The following IQGAP1 variants were observed in gnomAD, a reference collection of about 807,000 sequenced individuals.
The protein encoded by IQGAP1 is ras GTPase-activating-like protein IQGAP1.
In IQGAP1, 66 loss-of-function variants were observed where a neutral mutation model predicts 215.6. The ratio of observed to expected loss-of-function variants is 0.31; its 90% confidence interval spans 0.25 to 0.38. The LOEUF (loss-of-function observed/expected upper bound fraction) is 0.38. Ranked by LOEUF, IQGAP1 falls within the 10% of genes least tolerant of loss-of-function variation. The pLI is 1.00. For missense variants in IQGAP1, 1,712 were observed against 1,997.1 expected, an observed-to-expected ratio of 0.86 and a Z score of 2.72; for synonymous variants, 772 against 728.7, an observed-to-expected ratio of 1.06 and a Z score of -0.96.
intron 18 of IQGAP1, among the ~76,000 whole-genome samples, chr15:90,470,222 A>G (rs1965887012): frequency 6.6e-6 from 1 of 152,172 alleles, no homozygotes; most frequent in African/African-American, 2.4e-5. Context: ...CTTTGAACTT[A>G]CTTGGATTTT....
Position 90,399,729 on chromosome 15 carries a change from T to C in IQGAP1, c.155+8856T>C, listed in dbSNP as rs1396441057. Among the ~76,000 whole-genome samples, 3 of 152,160 alleles carry C rather than the reference T, an allele frequency of 2.0e-5. No homozygotes were observed. The East Asian group carries it at 5.8e-4, about 29-fold the overall frequency. On this transcript the variant is annotated intron_variant, in intron 2 of 37. Transcript: ENST00000268182. The stretch of plus-strand genomic sequence containing the variant: ...TAATGTTGATTGTAAGGGGAACTTA[T>C]CCCGAACTTCTGGCCTTAGGTGATC...
intron 26 of IQGAP1, among the ~76,000 whole-genome samples, chr15:90,478,233 C>T (rs889099506): frequency 6.6e-6 from 1 of 152,134 alleles, no homozygotes; most frequent in African/African-American, 2.4e-5. Context: ...TCAGGCAATC[C>T]ATCTGCCTCG....
chr15:90,476,547 A>C, intron 23 of IQGAP1, 116 bp from the exon 24 acceptor site: 1 of 628,574 alleles, frequency 1.6e-6, no homozygotes, highest in Non-Finnish European at 2.7e-6. Flanking sequence ...TTCAGTGGGA[A>C]TCTGCCAGTG....
intron 26 of IQGAP1, among the ~76,000 whole-genome samples, chr15:90,478,885 G>A (rs1966016671): frequency 1.3e-5 from 2 of 152,198 alleles, no homozygotes; most frequent in African/African-American, 4.8e-5. Context: ...CGTATTACAG[G>A]AGATAGCTGA....
intron 5 of IQGAP1, among the ~76,000 whole-genome samples, chr15:90,435,616 T>C (rs1227639703): frequency 6.6e-6 from 1 of 152,240 alleles, no homozygotes; most frequent in African/African-American, 2.4e-5. Context: ...AATGGATATC[T>C]GAACGTGGAA....
In IQGAP1 at chr15:90,472,861, G is replaced by A. The variant is rs1265827340; in HGVS notation, c.2200G>A (p.Ala734Thr). The change falls in exon 19 of 38, where the codon GCC (alanine) becomes ACC (threonine). Residue 734 changes from alanine to threonine, a missense_variant. Around this residue, in one of 2 missense-constraint regions of IQGAP1, gnomAD observed 1,021 missense variants for 1,074.2 expected, o/e 0.95. Transcript: ENST00000268182. ...TCAGAGTTCTATCTCTGGGGTGACTGCCGCATATAACCGAGAACAGCTGTG... is the reference window on the plus strand; with the variant it reads ...TCAGAGTTCTATCTCTGGGGTGACTACCGCATATAACCGAGAACAGCTGTG... ...EIQSSISGVT[A>T]AYNREQLWLA... is the part of the protein sequence containing the mutation. 32 of 1,612,492 alleles carry A rather than the reference G, an allele frequency of 2.0e-5. No homozygotes were observed. The highest frequency in any genetic ancestry group is 2.5e-5 in the Non-Finnish European group (30 of 1,179,012).
At position 90,456,318 on chromosome 15, in the gene IQGAP1, G is replaced by T; in HGVS notation, c.1776+3G>T. On this transcript the variant is annotated splice_donor_region_variant and intron_variant, in intron 15 of 37. Coordinates refer to ENST00000268182, the MANE Select transcript of IQGAP1 (RefSeq NM_003870.4). Reference sequence around the variant, plus strand: ...GAGCGAAGAGAGAGAAAGCCCAGGTGAGTGGCATCGGAATTGTTCTTTATG... The same window carrying T: ...GAGCGAAGAGAGAGAAAGCCCAGGTTAGTGGCATCGGAATTGTTCTTTATG... 6.2e-7 allele frequency: 1 copy of T among 1,613,688 alleles called. No homozygotes were observed. Among genetic ancestry groups the T allele is most frequent in the Non-Finnish European group, 8.5e-7 (1 of 1,179,782 alleles).
chr15:90,410,280 A>G (rs1430452948), intron 2 of IQGAP1, among the ~76,000 whole-genome samples: 2 of 152,146 alleles, frequency 1.3e-5, no homozygotes, highest in Admixed American at 6.5e-5. Flanking sequence ...CAGTGTGGCA[A>G]TTCCTCAAGG....
At chr15:90,432,281 A>G (rs931274734) in intron 4 of IQGAP1, among the ~76,000 whole-genome samples, 8 of 152,132 alleles carry the variant, frequency 5.3e-5, no homozygotes, top group Admixed American at 2.0e-4. Flanking sequence ...AAAACCTTGG[A>G]GATACCTTGA....
Position 90,474,704 on chromosome 15 carries a change from G to A in IQGAP1, c.2784+11G>A. 6.3e-7 allele frequency: 1 copy of A among 1,592,474 alleles called. No individual in the cohort carries two copies. Among genetic ancestry groups the A allele is most frequent in the Non-Finnish European group, 8.6e-7 (1 of 1,160,586 alleles). On this transcript the variant is annotated intron_variant, in intron 23 of 37. Transcript: ENST00000268182. ...AAGATTACGTTGCAGGTATGGCCCAGTGCCAGCGGGGGCCTTGGAACGGTT... is the reference window on the plus strand; with the variant it reads ...AAGATTACGTTGCAGGTATGGCCCAATGCCAGCGGGGGCCTTGGAACGGTT...
At chr15:90,398,582 A>G (rs1034545343) in intron 2 of IQGAP1, among the ~76,000 whole-genome samples, 5 of 152,330 alleles carry the variant, frequency 3.3e-5, no homozygotes, top group Non-Finnish European at 5.9e-5. Context: ...TTGTAAGTCA[A>G]AATGCATTTA....
At chr15:90,431,041 AT>A (rs1270400301) in intron 4 of IQGAP1, among the ~76,000 whole-genome samples, 1 of 148,106 alleles carries the variant, frequency 6.8e-6, no homozygotes, top group African/African-American at 2.5e-5. Context: ...CATATATACA[AT>A]ATATTATATA....
At chr15:90,481,667 CTGTT>C (rs1966061418) in intron 26 of IQGAP1, among the ~76,000 whole-genome samples, 2 of 152,140 alleles carry the variant, frequency 1.3e-5, no homozygotes, top group Non-Finnish European at 2.9e-5. Context: ...TTATAATCAT[CTGTT>C]TGTGTGTCGC....
rs761714346 is a variant in IQGAP1 at position 90,477,755 on chromosome 15, G to T, written c.3195G>T (p.Gln1065His). ...GTTTCAACCGTGGTGCCCGTGGCCAGAATGCCCTGAGACAGATCTTGGCCC... is the reference window on the plus strand; with the variant it reads ...GTTTCAACCGTGGTGCCCGTGGCCATAATGCCCTGAGACAGATCTTGGCCC... ...VVSFNRGARG[Q>H]NALRQILAPV... Residue 1065 changes from glutamine to histidine, a missense_variant, in exon 26 of 38, where the codon CAG becomes CAT. Coordinates refer to ENST00000268182, the MANE Select transcript of IQGAP1 (RefSeq NM_003870.4). 7 of 1,613,910 alleles carry T rather than the reference G, an allele frequency of 4.3e-6. No individual in the cohort carries two copies. The South Asian group carries it at 7.7e-5, about 18-fold the overall frequency.
intron 9 of IQGAP1, among the ~76,000 whole-genome samples, chr15:90,447,888 A>G (rs1180768655): frequency 2.0e-5 from 3 of 152,138 alleles, no homozygotes; most frequent in Non-Finnish European, 4.4e-5. Flanking sequence ...CTCAGGTTCT[A>G]TGATTAGAAG....
chr15:90,447,372 C>T (rs1308982734), intron 9 of IQGAP1, among the ~76,000 whole-genome samples: 1 of 152,114 alleles, frequency 6.6e-6, no homozygotes, highest in Non-Finnish European at 1.5e-5. Flanking sequence ...TCCTCATTGC[C>T]CCTACTTCCC....
intron 2 of IQGAP1, among the ~76,000 whole-genome samples, chr15:90,396,065 G>A (rs1315154030): frequency 6.6e-6 from 1 of 152,170 alleles, no homozygotes; most frequent in Admixed American, 6.5e-5. Flanking sequence ...GTGATAAGTC[G>A]AGCTTAGCAC....
rs1237614749 is a variant in IQGAP1 at position 90,483,605 on chromosome 15, G to C, written c.3788+12G>C. ...TACCAGAAATTCAGGTAAGGGGAAA[G>C]GCACAAGTGCTTAAGAGAGTCTGTG... On this transcript the variant is annotated intron_variant, in intron 29 of 37. Transcript: ENST00000268182. 1 of 1,555,290 alleles carries C rather than the reference G, an allele frequency of 6.4e-7. No homozygotes were observed. The highest frequency in any genetic ancestry group is 2.2e-5 in the East Asian group (1 of 44,622).
chr15:90,456,818 G>T (rs1395885509), intron 15 of IQGAP1, among the ~76,000 whole-genome samples: 1 of 150,828 alleles, frequency 6.6e-6, no homozygotes, highest in Non-Finnish European at 1.5e-5. Flanking sequence ...AGCCTGAGAG[G>T]TGGAGGTTGC....
Sources: gnomAD v4.1 joint callset for allele counts (sites outside exome capture counted in the v4.1 genomes callset) on GRCh38, gnomAD v4.1.1 for gene constraint, gnomAD v4.1.1 regional missense constraint, MANE v1.5 for transcripts, NCBI Gene and HGNC (gene_info 2026-07-23, HGNC 2026-07-21) for gene names.